Variants in SCG3 observed in about 807,000 individuals in gnomAD.
SCG3 encodes secretogranin III, also known as secretogranin-3.
A neutral mutation model predicts 56.2 loss-of-function variants in SCG3; 38 were observed. The observed-to-expected ratio is 0.68, with a 90% CI of 0.52 to 0.89. SCG3 has a LOEUF of 0.89. Among genes scored for constraint, SCG3 ranks in the 40% least tolerant of loss-of-function variants. The pLI, the probability that SCG3 is intolerant of heterozygous loss-of-function variation, is 0.00. For missense variants in SCG3, 524 were observed against 540.7 expected, an observed-to-expected ratio of 0.97 and a Z score of 0.31; for synonymous variants, 176 against 184.2, an observed-to-expected ratio of 0.96 and a Z score of 0.36.
At chr15:51,689,184 A>G (rs375199643) in intron 5 of SCG3, 35 bp from the exon 6 acceptor site, 1 of 1,599,558 alleles carries the variant, frequency 6.3e-7, no homozygotes, top group African/African-American at 1.3e-5. Context: ...GACTGGGAAT[A>G]TAGCAGTTAT....
At chr15:51,693,589 T>C (rs2055282586) in intron 7 of SCG3, 1 of 152,252 alleles carries the variant, frequency 6.6e-6, no homozygotes, top group African/African-American at 2.4e-5. Context: ...TTCAAACAGA[T>C]GCTCTGGACT....
chr15:51,699,521 A>G (rs1243915402), intron 9 of SCG3, 119 bp downstream of exon 9: 1 of 740,848 alleles, frequency 1.3e-6, no homozygotes, highest in East Asian at 2.8e-5. Flanking sequence ...TTAAAATCTG[A>G]AACGCAGCCA....
chr15:51,704,114 G>A (rs1242893670), intron 10 of SCG3, among the ~76,000 whole-genome samples: 4 of 151,490 alleles, frequency 2.6e-5, no homozygotes, highest in African/African-American at 9.7e-5. Flanking sequence ...GGTGATATGT[G>A]TGCCATGTTT....
At chr15:51,706,573 G>C (rs2055377493) in intron 10 of SCG3, among the ~76,000 whole-genome samples, 1 of 152,110 alleles carries the variant, frequency 6.6e-6, no homozygotes, top group Non-Finnish European at 1.5e-5. Flanking sequence ...ATATCTGTGG[G>C]GAGTCTGTTT....
At chr15:51,704,244 C>CAT (rs750951935) in intron 10 of SCG3, among the ~76,000 whole-genome samples, 10,573 of 73,430 alleles carry the variant, frequency 0.14, 731 homozygotes, top group Non-Finnish European at 0.19. Context: ...TACATACATA[C>CAT]ATATATATAT....
chr15:51,694,372 T>C (rs1175232888), intron 7 of SCG3, among the ~76,000 whole-genome samples: 1 of 152,180 alleles, frequency 6.6e-6, no homozygotes, highest in African/African-American at 2.4e-5. Context: ...ATGATTTGGG[T>C]CTGCAGAACA....
At position 51,692,216 on chromosome 15, in the gene SCG3, T is replaced by C. The variant is rs1239267755; in HGVS notation, c.748T>C (p.Ser250Pro). 6.2e-7 allele frequency: 1 copy of C among 1,613,960 alleles called. No homozygotes were observed. The highest frequency in any genetic ancestry group is 2.2e-5 in the East Asian group (1 of 44,890). The change falls in exon 7 of 12, where the codon TCT becomes CCT. Residue 250 changes from serine to proline, a missense_variant. By Grantham distance (74) the Ser-to-Pro change is moderately conservative. Transcript: ENST00000220478. ...LAKGENDETV[S>P]NTLTLTNGLE... ...TAAGGGAGAAAACGATGAAACAGTA[T>C]CTAACACATTAACCTTGACAAATGG...
chr15:51,700,173 T>C (rs1295339171), intron 9 of SCG3, among the ~76,000 whole-genome samples: 1 of 152,098 alleles, frequency 6.6e-6, no homozygotes, highest in Non-Finnish European at 1.5e-5. Context: ...CATCCTTCCA[T>C]AATAATGTAA....
intron 1 of SCG3, among the ~76,000 whole-genome samples, chr15:51,682,271 G>T (rs927462110): frequency 6.7e-6 from 1 of 149,146 alleles, no homozygotes; most frequent in Non-Finnish European, 1.5e-5. Flanking sequence ...TTAAATTTCT[G>T]GTCAGAAAAA....
chr15:51,684,370 A>C (rs1169401806), intron 4 of SCG3, among the ~76,000 whole-genome samples: 1 of 152,202 alleles, frequency 6.6e-6, no homozygotes, highest in African/African-American at 2.4e-5. Flanking sequence ...CGAAGTCAGG[A>C]GTTCAAGACC....
At chr15:51,689,025 A>G (rs1403377756) in intron 5 of SCG3, among the ~76,000 whole-genome samples, 194 bp from the exon 6 acceptor site, 4 of 152,186 alleles carry the variant, frequency 2.6e-5, no homozygotes, top group Admixed American at 1.3e-4. Flanking sequence ...GCCCGAAGAT[A>G]CTTCTTCCAG....
At chr15:51,702,252 G>GATTTT (rs955009582) in intron 10 of SCG3, among the ~76,000 whole-genome samples, 2 of 151,784 alleles carry the variant, frequency 1.3e-5, no homozygotes, top group African/African-American at 2.4e-5. Flanking sequence ...ATCTTTTTAG[G>GATTTT]ATTTTATTTT....
At chr15:51,693,301 T>C (rs1339267627) in intron 7 of SCG3, 3 of 152,266 alleles carry the variant, frequency 2.0e-5, no homozygotes, top group African/African-American at 4.8e-5. Context: ...ATCCTTTTTA[T>C]ATTATTCAAG....
Position 51,688,329 on chromosome 15 carries a change from C to T in SCG3, c.467C>T (p.Ala156Val). 1 of 1,613,584 alleles carries T rather than the reference C, an allele frequency of 6.2e-7. No individual in the cohort carries two copies. The change falls in exon 5 of 12, where the codon GCT (alanine) becomes GTT (valine). Residue 156 changes from alanine (A) to valine (V), a missense_variant. By Grantham distance (64) the Ala-to-Val change is moderately conservative. Transcript: ENST00000220478. ...LTAEDIVHKI[A>V]ARIYEENDRA... ...GCTGAAGACATTGTCCATAAAATCGCTGCCAGGATTTATGAAGAAAATGAC... is the reference window on the plus strand; with the variant it reads ...GCTGAAGACATTGTCCATAAAATCGTTGCCAGGATTTATGAAGAAAATGAC...
At chr15:51,689,392 T>C (rs2055251476) in intron 6 of SCG3, 24 bp downstream of exon 6, 2 of 1,512,878 alleles carry the variant, frequency 1.3e-6, no homozygotes, top group East Asian at 2.4e-5. Flanking sequence ...TATATGCATA[T>C]GCATGGGGGT....
chr15:51,706,127 C>T (rs2055374225), intron 10 of SCG3, among the ~76,000 whole-genome samples: 1 of 152,176 alleles, frequency 6.6e-6, no homozygotes, highest in Non-Finnish European at 1.5e-5. Flanking sequence ...TTTTGCTTCC[C>T]TGTTATAAAA....
At chr15:51,696,028 T>G in intron 8 of SCG3, 37 bp downstream of exon 8, 1 of 1,220,286 alleles carries the variant, frequency 8.2e-7, no homozygotes, top group Non-Finnish European at 1.2e-6. Flanking sequence ...CTGTGGTGGT[T>G]TTCATTGTTC....
intron 10 of SCG3, among the ~76,000 whole-genome samples, chr15:51,703,823 C>T (rs2055353462): frequency 6.6e-6 from 1 of 152,060 alleles, no homozygotes; most frequent in East Asian, 1.9e-4. Flanking sequence ...TTTTTCCTAT[C>T]TTATACATTT....
intron 2 of SCG3, 98 bp from the exon 3 acceptor site, chr15:51,682,981 C>A: frequency 1.1e-6 from 1 of 912,638 alleles, no homozygotes; most frequent in Non-Finnish European, 1.7e-6. Context: ...ACAAACAAGA[C>A]AATTAAATCC....
Sources: gnomAD v4.1 joint callset for allele counts (sites outside exome capture counted in the v4.1 genomes callset) on GRCh38, gnomAD v4.1.1 for gene constraint, MANE v1.5 for transcripts, NCBI Gene and HGNC (gene_info 2026-07-23, HGNC 2026-07-21) for gene names.